EHMT1: variants seen among roughly 807,000 people sequenced by gnomAD.
EHMT1 encodes histone-lysine N-methyltransferase EHMT1.
Under a neutral mutation model 147.2 loss-of-function variants are expected in EHMT1, and 15 were observed. The observed-to-expected ratio is 0.10, with a 90% confidence interval of 0.07 to 0.16. The LOEUF (loss-of-function observed/expected upper bound fraction) is 0.16. Ranked by LOEUF, EHMT1 falls within the 10% of genes least tolerant of loss-of-function variation. The probability of loss-of-function intolerance (pLI) is 1.00; values close to 1 mark genes in which losing one functional copy is unlikely to be tolerated. For missense variants in EHMT1, 1,587 were observed against 1,772.4 expected (o/e 0.90, Z 1.88); for synonymous variants, 795 against 709.6 (o/e 1.12, Z -1.91).
At position 137,722,939 on chromosome 9, in the gene EHMT1, G is replaced by T. The variant is rs563873129; in HGVS notation, c.643-5410G>T. 2.4e-3 allele frequency among the ~76,000 whole-genome samples: 311 copies of T among 131,264 alleles called. 5 individuals are homozygous for T. The highest frequency in any genetic ancestry group is 9.9e-3 in the African/African-American group (296 of 29,986). The allele number at this position is 131,264 out of a possible 152,430, so 86.1% of individuals were successfully genotyped here. A position where few individuals can be genotyped will look rare whatever the true frequency, so the allele number is the denominator to read the frequency against. Reference sequence around the variant, plus strand: ...AGCCCGGGGTGTGTCTGTGTCTGTGGTTCTGGGCCTGAGCCGGGGGTGTGT... The same window carrying T: ...AGCCCGGGGTGTGTCTGTGTCTGTGTTTCTGGGCCTGAGCCGGGGGTGTGT... On this transcript the variant is annotated intron_variant, in intron 3 of 26. Coordinates refer to ENST00000460843, the MANE Select transcript of EHMT1 (RefSeq NM_024757.5).
chr9:137,803,247 G>T, intron 18 of EHMT1: 1 of 1,080,010 alleles, frequency 9.3e-7, no homozygotes, highest in Non-Finnish European at 1.1e-6. Flanking sequence ...ATAATAGGTA[G>T]GCTGCATATA....
At chr9:137,727,503 C>G (rs1420099675) in intron 3 of EHMT1, among the ~76,000 whole-genome samples, 1 of 152,202 alleles carries the variant, frequency 6.6e-6, no homozygotes, top group African/African-American at 2.4e-5. Context: ...CATTCTTTTT[C>G]ATGTGGTCAT....
intron 1 of EHMT1, among the ~76,000 whole-genome samples, chr9:137,628,805 C>T (rs540935401): frequency 3.3e-5 from 5 of 152,308 alleles, no homozygotes; most frequent in African/African-American, 1.2e-4. Flanking sequence ...AGATCCCACA[C>T]GTGGCCAGAG....
At chr9:137,626,153 C>T (rs779697827) in intron 1 of EHMT1, among the ~76,000 whole-genome samples, 10 of 151,754 alleles carry the variant, frequency 6.6e-5, no homozygotes, top group Non-Finnish European at 1.3e-4. Flanking sequence ...AGGCGTGAGC[C>T]ACCACGCCTG....
chr9:137,620,554 A>G (rs1276542350), intron 1 of EHMT1, among the ~76,000 whole-genome samples: 1 of 151,936 alleles, frequency 6.6e-6, no homozygotes, highest in African/African-American at 2.4e-5. Flanking sequence ...CACCTGGCCA[A>G]TTTTTTTGTA....
In EHMT1 at chr9:137,776,914, G is replaced by C. The variant is rs193047204; in HGVS notation, c.2018+70G>C. On this transcript the variant is annotated intron_variant, in intron 12 of 26. Coordinates refer to ENST00000460843, the MANE Select transcript of EHMT1 (RefSeq NM_024757.5). This position sits in a 1 kb window ranked among gnomAD's most constrained non-coding sequence, Gnocchi z 4.4. ...AAAAAGTTTCAGTTGTTAACTCAACGTTATTGCTTCCTGCTGTTTTTTCCA... is the reference window on the plus strand; with the variant it reads ...AAAAAGTTTCAGTTGTTAACTCAACCTTATTGCTTCCTGCTGTTTTTTCCA... 1 of 1,427,910 alleles carries C rather than the reference G, an allele frequency of 7.0e-7. No individual in the cohort carries two copies. The highest frequency in any genetic ancestry group is 1.9e-5 in the Admixed American group (1 of 52,586). 88.5% of individuals were successfully genotyped at this position (1,427,910 alleles called of 1,614,324 possible). A position where few individuals can be genotyped will look rare whatever the true frequency, so the allele number is the denominator to read the frequency against.
chr9:137,635,956 C>G (rs950864649), intron 1 of EHMT1, among the ~76,000 whole-genome samples: 1 of 150,918 alleles, frequency 6.6e-6, no homozygotes, highest in Non-Finnish European at 1.5e-5. Context: ...GAGTCTTGCT[C>G]TGTCGCCCAG....
rs1199351291 is a variant in EHMT1, at chr9:137,717,160, T to C, written c.620T>C (p.Met207Thr). Residue 207 changes from methionine (M) to threonine (T), a missense_variant, in exon 3 of 27, where the codon ATG (methionine) becomes ACG (threonine). Physicochemically the swap from Met to Thr is moderately conservative, Grantham distance 81. Around this residue, in one of 7 missense-constraint regions of EHMT1, gnomAD observed 810 missense variants for 673.0 expected, o/e 1.20. Coordinates refer to ENST00000460843, the MANE Select transcript of EHMT1 (RefSeq NM_024757.5). ...AAGGTCCACAGGGCACGCAAGACCA[T>C]GCCGAAGTCCGTCGTGGGCCTGGTA... ...DVKVHRARKT[M>T]PKSVVGLHAA... 1.2e-6 allele frequency: 2 copies of C among 1,612,332 alleles called. No homozygotes were observed. Among genetic ancestry groups the C allele is most frequent in the African/African-American group, 1.3e-5 (1 of 74,934 alleles).
At chr9:137,814,632 A>T in intron 22 of EHMT1, 124 bp downstream of exon 22, 1 of 1,148,080 alleles carries the variant, frequency 8.7e-7, no homozygotes. Context: ...GTTGGAGGTG[A>T]GCTGGGTGTG....
chr9:137,646,556 A>C (rs1589105461), intron 1 of EHMT1: 1 of 514,592 alleles, frequency 1.9e-6, no homozygotes, highest in South Asian at 9.1e-5. Context: ...GAGGCCCCCG[A>C]GCGTGTGGGC....
At position 137,776,216 on chromosome 9, in the gene EHMT1, G is replaced by A. The variant is rs911514987; in HGVS notation, c.1792-402G>A. Among the ~76,000 whole-genome samples, 1 of 152,140 alleles carries A rather than the reference G, an allele frequency of 6.6e-6. No individual in the cohort carries two copies. The highest frequency in any genetic ancestry group is 1.5e-5 in the Non-Finnish European group (1 of 68,032). On this transcript the variant is annotated intron_variant, in intron 11 of 26. Coordinates refer to ENST00000460843, the MANE Select transcript of EHMT1 (RefSeq NM_024757.5). The surrounding 1 kb of genome is among the most constrained non-coding windows in gnomAD (Gnocchi z 4.4). Reference sequence around the variant, plus strand: ...TGGGTCGCCAAACCACATCTGCTGCGCACTGCTGGGCACTGAGGCAGCTCC... The same window carrying A: ...TGGGTCGCCAAACCACATCTGCTGCACACTGCTGGGCACTGAGGCAGCTCC...
chr9:137,811,669 CAG>C, intron 19 of EHMT1, 54 bp downstream of exon 19: 2 of 1,597,438 alleles, frequency 1.3e-6, no homozygotes. Context: ...CCTGGGCGCC[CAG>C]AGAGACCGCT....
At chr9:137,747,677 T>G (rs1485003945) in intron 6 of EHMT1, 2 of 152,196 alleles carry the variant, frequency 1.3e-5, no homozygotes, top group Non-Finnish European at 2.9e-5. Flanking sequence ...TTTTCTGAAT[T>G]TGGGGGGATT....
intron 25 of EHMT1, 141 bp downstream of exon 25, chr9:137,818,279 G>C: frequency 1.1e-6 from 1 of 925,022 alleles, no homozygotes; most frequent in Non-Finnish European, 1.7e-6. Flanking sequence ...GCTGAGTGCC[G>C]CATTTGGAGC....
At chr9:137,626,028 TA>T (rs1422182412) in intron 1 of EHMT1, among the ~76,000 whole-genome samples, 5 of 148,942 alleles carry the variant, frequency 3.4e-5, no homozygotes, top group Non-Finnish European at 1.5e-5. Context: ...GCTAATTTTG[TA>T]TTTTTTTTTT....
intron 1 of EHMT1, among the ~76,000 whole-genome samples, chr9:137,688,844 G>A (rs7029298): frequency 0.041 from 6,265 of 152,210 alleles, 408 homozygotes; most frequent in African/African-American, 0.14. Flanking sequence ...GTCATCCACC[G>A]AGTCTGCCCT....
In EHMT1 at chr9:137,684,601, A is replaced by T. The variant is rs145011993; in HGVS notation, c.22-26366A>T. 2.8e-3 allele frequency among the ~76,000 whole-genome samples: 428 copies of T among 152,012 alleles called. 1 individual carries two copies. The highest frequency in any genetic ancestry group is 9.2e-3 in the African/African-American group (383 of 41,444). On this transcript the variant is annotated intron_variant, in intron 1 of 26. Coordinates refer to ENST00000460843, the MANE Select transcript of EHMT1 (RefSeq NM_024757.5). ...CCACCTCCCAGGCTCAAGCAATCCT[A>T]CTACCTTAGCCTCCCAAGTAGCTGG...
intron 5 of EHMT1, 62 bp from the exon 6 acceptor site, chr9:137,743,840 A>G: frequency 1.9e-6 from 3 of 1,545,118 alleles, no homozygotes; most frequent in Non-Finnish European, 2.6e-6. Context: ...CCTCAGTGAA[A>G]GCAAGTTTGT....
chr9:137,629,633 T>G (rs1843492566), intron 1 of EHMT1, among the ~76,000 whole-genome samples: 1 of 152,176 alleles, frequency 6.6e-6, no homozygotes, highest in African/African-American at 2.4e-5. Flanking sequence ...GACCTCGTGA[T>G]CTGCCCGCCT....
Sources: allele counts gnomAD v4.1 joint callset (sites outside exome capture counted in the v4.1 genomes callset), GRCh38; gene constraint gnomAD v4.1.1; regional missense constraint gnomAD v4.1.1; non-coding constraint Gnocchi (gnomAD v3.1); transcripts MANE v1.5; gene names NCBI Gene and HGNC (gene_info 2026-07-23, HGNC 2026-07-21).